The following SAMD3 variants were observed in gnomAD, a reference collection of about 807,000 sequenced individuals.
SAMD3 encodes sterile alpha motif domain containing 3, also known as sterile alpha motif domain-containing protein 3.
A neutral mutation model predicts 58.5 loss-of-function variants in SAMD3; 63 were observed. That is an observed-to-expected ratio of 1.08 (90% confidence interval 0.88 to 1.33). The LOEUF (loss-of-function observed/expected upper bound fraction) is 1.33, where lower values mean the gene tolerates loss of function less well. Among genes scored for constraint, SAMD3 ranks in the 40% most tolerant of loss-of-function variants. The probability of loss-of-function intolerance (pLI) is 0.00; values close to 1 mark genes in which losing one functional copy is unlikely to be tolerated. For synonymous variants in SAMD3, 220 were observed against 210.3 expected, an observed-to-expected ratio of 1.05 and a Z score of -0.40; for missense variants, 604 against 608.4, an observed-to-expected ratio of 0.99 and a Z score of 0.08.
upstream of SAMD3, among the ~76,000 whole-genome samples, chr6:130,225,014 G>T (rs749754044): frequency 6.6e-5 from 10 of 152,176 alleles, no homozygotes; most frequent in Non-Finnish European, 1.5e-4. Flanking sequence ...GTCTGAATTT[G>T]TGTGTATGTG....
Position 130,253,278 on chromosome 6 carries a change from C to A in SAMD3, c.-187-30465G>T, listed in dbSNP as rs1000692968. Among the ~76,000 whole-genome samples, 15 of 152,112 alleles carry A rather than the reference C, an allele frequency of 9.9e-5. 1 individual carries two copies. Among genetic ancestry groups the A allele is most frequent in the Admixed American group, 9.8e-4 (15 of 15,268 alleles). The stretch of plus-strand genomic sequence containing the variant: ...TATCCTTGTGTGAGTCCAGCTCTGG[C>A]TTCTCTCGGAGGCAGAAAGAATAGA... On this transcript the variant is annotated intron_variant, in intron 2 of 13. Transcript: ENST00000368134.
intron 2 of SAMD3, among the ~76,000 whole-genome samples, chr6:130,288,089 CT>C (rs1212800820): frequency 2.0e-5 from 3 of 152,052 alleles, no homozygotes; most frequent in African/African-American, 7.2e-5. Flanking sequence ...TTAGGAAGCC[CT>C]TTTGTGAGGT....
chr6:130,224,778 C>A (rs569036713), upstream of SAMD3, among the ~76,000 whole-genome samples: 2 of 152,004 alleles, frequency 1.3e-5, no homozygotes, highest in South Asian at 4.2e-4. Flanking sequence ...GCCACCACGC[C>A]CAGCTAAGTT....
At chr6:130,185,780 G>GC (rs1792903336) in intron 5 of SAMD3, among the ~76,000 whole-genome samples, 1 of 151,982 alleles carries the variant, frequency 6.6e-6, no homozygotes, top group Admixed American at 6.6e-5. Context: ...ACAGGCACGT[G>GC]CCACCATGCC....
chr6:130,303,900 C>T (rs1015669460), intron 2 of SAMD3, among the ~76,000 whole-genome samples: 2 of 151,638 alleles, frequency 1.3e-5, no homozygotes, highest in Non-Finnish European at 1.5e-5. Context: ...CAGTTTTTTT[C>T]GTGTTTTTAT....
intron 2 of SAMD3, among the ~76,000 whole-genome samples, chr6:130,308,381 T>TTCTATTCTATTCTAA (rs1775998738): frequency 1.4e-5 from 2 of 138,606 alleles, no homozygotes; most frequent in Non-Finnish European, 3.1e-5. Flanking sequence ...TTCTATTCTA[T>TTCTATTCTATTCTAA]TCTATTCTAT....
At chr6:130,164,019 A>T (rs1282498421) in intron 8 of SAMD3, among the ~76,000 whole-genome samples, 1 of 152,054 alleles carries the variant, frequency 6.6e-6, no homozygotes, top group African/African-American at 2.4e-5. Flanking sequence ...AAGGCTTTGG[A>T]ATACAAGAAC....
At chr6:130,190,109 T>C (rs1793385755) in intron 5 of SAMD3, among the ~76,000 whole-genome samples, 1 of 151,112 alleles carries the variant, frequency 6.6e-6, no homozygotes. Context: ...CTCTGGATGA[T>C]CCTGAACTAC....
intron 9 of SAMD3, 128 bp downstream of exon 9, chr6:130,154,695 GAA>G (rs145408019): frequency 1.8e-3 from 198 of 108,622 alleles, no homozygotes; most frequent in Non-Finnish European, 2.6e-3. Context: ...GACTCTGTCT[GAA>G]AAAAAAAAAA....
intron 2 of SAMD3, among the ~76,000 whole-genome samples, chr6:130,312,642 C>A (rs1776216457): frequency 6.6e-6 from 1 of 152,132 alleles, no homozygotes; most frequent in Non-Finnish European, 1.5e-5. Flanking sequence ...GACTTTTCTT[C>A]TTTTTCTTTA....
intron 1 of SAMD3, among the ~76,000 whole-genome samples, chr6:130,346,988 A>T (rs924864631): frequency 6.6e-6 from 1 of 152,246 alleles, no homozygotes; most frequent in African/African-American, 2.4e-5. Flanking sequence ...GTGGACCTCC[A>T]GCAAACTCCA....
chr6:130,334,978 A>T (rs1777057550), intron 1 of SAMD3, among the ~76,000 whole-genome samples: 1 of 152,220 alleles, frequency 6.6e-6, no homozygotes, highest in Admixed American at 6.5e-5. Flanking sequence ...CTTTTCATTT[A>T]AAAGATTTAT....
chr6:130,316,907 C>T (rs7758306), intron 1 of SAMD3, among the ~76,000 whole-genome samples: 6,100 of 152,100 alleles, frequency 0.04, 389 homozygotes, highest in African/African-American at 0.14. Flanking sequence ...ATATTGTAAA[C>T]CTGTATTATT....
At chr6:130,234,831 A>C (rs17058576) in intron 2 of SAMD3, among the ~76,000 whole-genome samples, 21,635 of 152,276 alleles carry the variant, frequency 0.14, 1,759 homozygotes, top group East Asian at 0.36. Context: ...ATAAACTTTA[A>C]AAGGAAATAG....
chr6:130,191,167 T>C (rs1793507958), intron 5 of SAMD3, among the ~76,000 whole-genome samples: 1 of 151,992 alleles, frequency 6.6e-6, no homozygotes, highest in Non-Finnish European at 1.5e-5. Flanking sequence ...ACATGGGTGA[T>C]TCAGGATTCT....
intron 2 of SAMD3, among the ~76,000 whole-genome samples, chr6:130,263,490 T>C (rs1230889253): frequency 6.6e-6 from 1 of 151,830 alleles, no homozygotes; most frequent in Non-Finnish European, 1.5e-5. Context: ...CAAAAAAGGA[T>C]AGACTCATCA....
At chr6:130,150,040 A>G (rs1005385780) in intron 9 of SAMD3, among the ~76,000 whole-genome samples, 2 of 152,108 alleles carry the variant, frequency 1.3e-5, no homozygotes, top group South Asian at 2.1e-4. Flanking sequence ...GCCTACGCAC[A>G]TGGTGATGTT....
chr6:130,362,152 G>A (rs1778006557), intron 1 of SAMD3, among the ~76,000 whole-genome samples: 1 of 152,194 alleles, frequency 6.6e-6, no homozygotes. Context: ...AGAGCACCAG[G>A]GAAGTCAGAG....
chr6:130,260,618 G>A (rs1211196890), intron 2 of SAMD3, among the ~76,000 whole-genome samples: 1 of 152,190 alleles, frequency 6.6e-6, no homozygotes, highest in Non-Finnish European at 1.5e-5. Flanking sequence ...ACATTTCTTG[G>A]TTCCCTGACC....
Sources: allele counts gnomAD v4.1 joint callset (sites outside exome capture counted in the v4.1 genomes callset), GRCh38; gene constraint gnomAD v4.1.1; transcripts MANE v1.5; gene names NCBI Gene and HGNC (gene_info 2026-07-23, HGNC 2026-07-21).